TECPR2: variants seen among roughly 807,000 people sequenced by gnomAD.
TECPR2 encodes tectonin beta-propeller repeat containing 2.
In TECPR2, 65 loss-of-function variants were observed where a neutral mutation model predicts 138.1. The ratio of observed to expected loss-of-function variants is 0.47; its 90% CI spans 0.39 to 0.58. The LOEUF is 0.58. TECPR2 is among the 20% of genes least tolerant of loss of function. The pLI is 0.00. For synonymous variants in TECPR2, 746 were observed against 749.8 expected (o/e 0.99, Z 0.08); for missense variants, 1,553 against 1,824.5 (o/e 0.85, Z 2.71).
chr14:102,450,730 C>T, intron 15 of TECPR2, 81 bp downstream of exon 15: 4 of 1,405,958 alleles, frequency 2.8e-6, no homozygotes, highest in Non-Finnish European at 4.0e-6. Flanking sequence ...CGGACTGTGG[C>T]CTTGTTGGTT....
intron 11 of TECPR2, among the ~76,000 whole-genome samples, chr14:102,442,123 C>A (rs1889851956): frequency 6.6e-6 from 1 of 152,210 alleles, no homozygotes; most frequent in Non-Finnish European, 1.5e-5. Flanking sequence ...GGACTACAGG[C>A]ACATGCCACC....
At chr14:102,435,375 A>G (rs1889637135) in intron 9 of TECPR2, among the ~76,000 whole-genome samples, 164 bp downstream of exon 9, 1 of 152,234 alleles carries the variant, frequency 6.6e-6, no homozygotes, top group Non-Finnish European at 1.5e-5. Context: ...GATTTCCAGC[A>G]CAGGGACTAT....
Position 102,466,533 on chromosome 14 carries a change from C to G in TECPR2, c.3789+1244C>G, listed in dbSNP as rs997271572. Among the ~76,000 whole-genome samples, 3 of 152,196 alleles carry G rather than the reference C, an allele frequency of 2.0e-5. No individual in the cohort carries two copies. In the East Asian group the frequency reaches 5.8e-4, roughly 29 times the overall value. ...GGGCACAGTGATTATGAAAAGCAAG[C>G]CGCCTGTCGTTAGTTTCATTATTGT... is the stretch of plus-strand genomic sequence containing the variant. On this transcript the variant is annotated intron_variant, in intron 17 of 19. Coordinates refer to ENST00000359520, the MANE Select transcript of TECPR2 (RefSeq NM_014844.5).
intron 2 of TECPR2, among the ~76,000 whole-genome samples, chr14:102,399,673 A>G (rs1420959330): frequency 6.6e-6 from 1 of 152,078 alleles, no homozygotes; most frequent in Non-Finnish European, 1.5e-5. Context: ...TACTAAAAAT[A>G]CAAGAATTAC....
chr14:102,474,581 G>A (rs1018574254), intron 17 of TECPR2, among the ~76,000 whole-genome samples: 13 of 152,162 alleles, frequency 8.5e-5, no homozygotes, highest in African/African-American at 2.2e-4. Context: ...CCGAGATCGC[G>A]CCATTGCACT....
intron 16 of TECPR2, among the ~76,000 whole-genome samples, chr14:102,464,170 G>A (rs1303358854): frequency 4.6e-5 from 7 of 152,188 alleles, no homozygotes; most frequent in Non-Finnish European, 1.5e-5. Context: ...GATACTAATC[G>A]TGTATCATTG....
At chr14:102,404,977 A>G (rs1888617237) in intron 2 of TECPR2, among the ~76,000 whole-genome samples, 1 of 152,082 alleles carries the variant, frequency 6.6e-6, no homozygotes, top group Non-Finnish European at 1.5e-5. Flanking sequence ...ATGCAAAAGA[A>G]TGAAGTTGGA....
intron 1 of TECPR2, among the ~76,000 whole-genome samples, chr14:102,372,081 C>G (rs917565636): frequency 6.6e-6 from 1 of 151,860 alleles, no homozygotes; most frequent in African/African-American, 2.4e-5. Context: ...ATCTCCTGGG[C>G]TCAAGCGATT....
chr14:102,481,953 C>T (rs1890902422), intron 17 of TECPR2, among the ~76,000 whole-genome samples: 1 of 152,220 alleles, frequency 6.6e-6, no homozygotes, highest in African/African-American at 2.4e-5. Context: ...GAGCTCTTCA[C>T]AGCGGAGGCA....
chr14:102,437,973 ATGTGGCTG>A (rs1567341692), intron 9 of TECPR2, 41 bp from the exon 10 acceptor site: 1 of 1,586,546 alleles, frequency 6.3e-7, no homozygotes, highest in Middle Eastern at 1.7e-4. Context: ...AGTAAGCCAA[ATGTGGCTG>A]TGTCCTCTGC....
At chr14:102,432,496 G>C (rs1889529544) in intron 8 of TECPR2, among the ~76,000 whole-genome samples, 1 of 152,000 alleles carries the variant, frequency 6.6e-6, no homozygotes, top group Non-Finnish European at 1.5e-5. Context: ...TCGGCTCACT[G>C]CAACCTCACC....
At chr14:102,410,981 C>G (rs939316646) in intron 4 of TECPR2, among the ~76,000 whole-genome samples, 1 of 152,200 alleles carries the variant, frequency 6.6e-6, no homozygotes, top group Non-Finnish European at 1.5e-5. Context: ...CCTTTTATAC[C>G]TGTTTTTCTC....
intron 6 of TECPR2, among the ~76,000 whole-genome samples, chr14:102,427,103 G>T (rs906518430): frequency 3.9e-5 from 6 of 152,062 alleles, no homozygotes; most frequent in Non-Finnish European, 8.8e-5. Flanking sequence ...TGGGGTGGGG[G>T]TGGAAGAAGC....
chr14:102,445,709 G>C, intron 12 of TECPR2, 97 bp from the exon 13 acceptor site: 1 of 1,455,762 alleles, frequency 6.9e-7, no homozygotes, highest in Non-Finnish European at 9.2e-7. Context: ...TCTTCTCCCA[G>C]CCACGCCTGC....
At chr14:102,487,162 G>C (rs968121920) in intron 17 of TECPR2, among the ~76,000 whole-genome samples, 3 of 152,226 alleles carry the variant, frequency 2.0e-5, no homozygotes, top group Admixed American at 6.5e-5. Flanking sequence ...AGTGTGGAAA[G>C]CACAAATGGC....
chr14:102,476,717 G>A (rs1009320759), intron 17 of TECPR2, among the ~76,000 whole-genome samples: 5 of 152,202 alleles, frequency 3.3e-5, no homozygotes, highest in African/African-American at 1.2e-4. Flanking sequence ...AAATAATTAT[G>A]CTGAGTCAAG....
chr14:102,452,568 C>T lies in TECPR2; in HGVS notation c.3581C>T (p.Thr1194Met), dbSNP rs773753994. The T allele has an allele frequency of 7.4e-5, 119 of 1,609,834 alleles. No individual in the cohort carries two copies. The highest frequency in any genetic ancestry group is 3.5e-5 in the Non-Finnish European group (41 of 1,178,710). ...LDSLGQVFIRTLSKSCPTGMH... is the reference protein window; with the variant it reads ...LDSLGQVFIRMLSKSCPTGMH... Reference sequence around the variant, plus strand: ...AGCCTCGGCCAGGTGTTCATCAGGACGCTCTCCAAGAGCTGCCCCACGGGC... The same window carrying T: ...AGCCTCGGCCAGGTGTTCATCAGGATGCTCTCCAAGAGCTGCCCCACGGGC... Residue 1194 changes from threonine (T) to methionine (M), a missense_variant, in exon 16 of 20, where the codon ACG becomes ATG. By Grantham distance (81) the Thr-to-Met change is moderately conservative (BLOSUM62 -1). Transcript: ENST00000359520.
rs537889108 is a variant in TECPR2, at chr14:102,373,809, G to A, written c.-72-2841G>A. On this transcript the variant is annotated intron_variant, in intron 1 of 19. Transcript: ENST00000359520. The stretch of plus-strand genomic sequence containing the variant: ...GAAATGGGAATCTAAGGCTGGGCGC[G>A]ATGGCTCACACCTGTAATCCCAGCA... Among the ~76,000 whole-genome samples the A allele has an allele frequency of 3.1e-3, 469 of 152,154 alleles. 2 individuals carry two copies. Among genetic ancestry groups the A allele is most frequent in the Middle Eastern group, 6.8e-3 (2 of 294 alleles).
At chr14:102,451,056 A>G (rs1890128265) in intron 15 of TECPR2, among the ~76,000 whole-genome samples, 1 of 152,140 alleles carries the variant, frequency 6.6e-6, no homozygotes, top group South Asian at 2.1e-4. Context: ...CCTCCGGATA[A>G]CCTAAGTCCG....
Sources: gnomAD v4.1 joint callset for allele counts (sites outside exome capture counted in the v4.1 genomes callset) on GRCh38, gnomAD v4.1.1 for gene constraint, MANE v1.5 for transcripts, NCBI Gene and HGNC (gene_info 2026-07-23, HGNC 2026-07-21) for gene names.